DOCK3: variants seen among roughly 807,000 people sequenced by gnomAD.
DOCK3 encodes the protein dedicator of cytokinesis protein 3.
DOCK3 carries 60 observed loss-of-function variants against 265.6 expected under a neutral mutation model. The observed-to-expected ratio is 0.23, with a 90% CI of 0.18 to 0.28. The LOEUF (loss-of-function observed/expected upper bound fraction) is 0.28, where lower values mean the gene tolerates loss of function less well. DOCK3 is among the 10% of genes least tolerant of loss of function. The pLI, the probability that DOCK3 is intolerant of heterozygous loss-of-function variation, is 1.00. For missense variants in DOCK3, 1,981 were observed against 2,594.3 expected (o/e 0.76, Z 5.14); for synonymous variants, 881 against 938.0 (o/e 0.94, Z 1.11).
At chr3:50,988,431 C>T (rs1177123298) in intron 5 of DOCK3, among the ~76,000 whole-genome samples, 1 of 152,116 alleles carries the variant, frequency 6.6e-6, no homozygotes, top group African/African-American at 2.4e-5. Flanking sequence ...GGCCACCATC[C>T]TTGCTGTTTG....
intron 5 of DOCK3, among the ~76,000 whole-genome samples, chr3:50,943,346 T>G (rs1278914905): frequency 6.6e-6 from 1 of 152,050 alleles, no homozygotes; most frequent in Non-Finnish European, 1.5e-5. Flanking sequence ...CTCTAAATAT[T>G]AAAGCTATGG....
chr3:51,069,250 T>C (rs1439846690), intron 6 of DOCK3, among the ~76,000 whole-genome samples: 3 of 152,206 alleles, frequency 2.0e-5, no homozygotes, highest in Non-Finnish European at 4.4e-5. Context: ...TCATCATCTT[T>C]GCTCAAGTGT....
At chr3:51,201,235 G>A (rs1349519380) in intron 12 of DOCK3, among the ~76,000 whole-genome samples, 2 of 150,750 alleles carry the variant, frequency 1.3e-5, no homozygotes, top group Non-Finnish European at 3.0e-5. Flanking sequence ...CTGGCAAATT[G>A]GATAAAGAGT....
At chr3:51,231,042 A>C (rs1046687250) in intron 19 of DOCK3, among the ~76,000 whole-genome samples, 7 of 152,016 alleles carry the variant, frequency 4.6e-5, no homozygotes, top group Non-Finnish European at 8.8e-5. Context: ...CACAGGAGCT[A>C]AACTAATTTA....
intron 9 of DOCK3, among the ~76,000 whole-genome samples, chr3:51,135,130 G>A (rs1358789382): frequency 5.9e-5 from 9 of 152,178 alleles, no homozygotes; most frequent in East Asian, 3.9e-4. Flanking sequence ...TTCTGTTCAC[G>A]TATGTGTTCC....
intron 24 of DOCK3, among the ~76,000 whole-genome samples, chr3:51,274,421 T>C (rs1454323172): frequency 6.6e-6 from 1 of 152,176 alleles, no homozygotes; most frequent in Admixed American, 6.5e-5. Flanking sequence ...ATACTAAGTA[T>C]ACCATTTAAA....
chr3:51,159,615 A>AC (rs2086036432), intron 11 of DOCK3, among the ~76,000 whole-genome samples: 1 of 152,090 alleles, frequency 6.6e-6, no homozygotes, highest in African/African-American at 2.4e-5. Flanking sequence ...ACAGTGCCCT[A>AC]CCCTTTCCCT....
chr3:50,877,235 G>A (rs1282636579), intron 3 of DOCK3: 6 of 327,844 alleles, frequency 1.8e-5, no homozygotes, highest in Admixed American at 4.2e-5. Context: ...ATGATCTTAC[G>A]GAGCCTTCTT....
intron 1 of DOCK3, among the ~76,000 whole-genome samples, chr3:50,768,555 G>A (rs2041059837): frequency 6.6e-6 from 1 of 152,138 alleles, no homozygotes; most frequent in Non-Finnish European, 1.5e-5. Context: ...CATATAAACA[G>A]AGCCAAAGAC....
chr3:50,788,271 G>C (rs1391016138), intron 2 of DOCK3: 2 of 555,736 alleles, frequency 3.6e-6, no homozygotes, highest in Admixed American at 3.6e-5. Flanking sequence ...GACGAGAAGT[G>C]GCTGTGTGCC....
At chr3:50,716,349 A>C (rs191754707) in intron 1 of DOCK3, among the ~76,000 whole-genome samples, 1 of 151,994 alleles carries the variant, frequency 6.6e-6, no homozygotes. Context: ...AACATGGTGA[A>C]ACCCCATCTC....
At chr3:51,167,372 G>A (rs1343271477) in intron 12 of DOCK3, among the ~76,000 whole-genome samples, 2 of 152,126 alleles carry the variant, frequency 1.3e-5, no homozygotes, top group African/African-American at 4.8e-5. Context: ...TTGAAATCAG[G>A]AAGTGTGATG....
intron 1 of DOCK3, among the ~76,000 whole-genome samples, chr3:50,678,465 A>G (rs1053754786): frequency 1.3e-5 from 2 of 152,230 alleles, no homozygotes; most frequent in Non-Finnish European, 2.9e-5. Flanking sequence ...CTCACCCTCT[A>G]ACAGGAGCAA....
Position 51,381,259 on chromosome 3 carries a change from C to A in DOCK3, c.5793C>A (p.Pro1931=). The change falls in exon 53 of 53, where the codon CCC becomes CCA. Residue 1931 remains proline, a synonymous_variant. Transcript: ENST00000266037. The surrounding 1 kb of genome is among the most constrained non-coding windows in gnomAD (Gnocchi z 5.6). ...ATGCTGACGAAGATCTTGAGCCACC[C>A]TACCTCCCTGTCCACTACAGCCTCT... ...AWNADEDLEP[P]YLPVHYSLSE... The A allele has an allele frequency of 1.2e-6, 2 of 1,613,882 alleles. No homozygotes were observed. Among genetic ancestry groups the A allele is most frequent in the Non-Finnish European group, 1.7e-6 (2 of 1,179,872 alleles).
chr3:50,723,490 G>A (rs1250035793), intron 1 of DOCK3, among the ~76,000 whole-genome samples: 2 of 151,936 alleles, frequency 1.3e-5, no homozygotes, highest in Non-Finnish European at 2.9e-5. Context: ...GGCCAACATC[G>A]CGAAACCTCG....
chr3:50,919,129 T>C (rs967144839), intron 4 of DOCK3, among the ~76,000 whole-genome samples: 1 of 152,234 alleles, frequency 6.6e-6, no homozygotes, highest in Non-Finnish European at 1.5e-5. Flanking sequence ...TATCTCTGTT[T>C]GGTACCAGTA....
At chr3:50,847,761 G>A (rs1269787406) in intron 3 of DOCK3, among the ~76,000 whole-genome samples, 1 of 151,328 alleles carries the variant, frequency 6.6e-6, no homozygotes, top group East Asian at 2.0e-4. Flanking sequence ...GTGTATACCT[G>A]TAGTCCCAAT....
intron 51 of DOCK3, among the ~76,000 whole-genome samples, chr3:51,378,843 T>C (rs1553617376): frequency 6.6e-6 from 1 of 152,176 alleles, no homozygotes; most frequent in East Asian, 1.9e-4. Context: ...GCTTCCCTTT[T>C]TCCTGGGCCC....
At chr3:50,985,386 C>T (rs947229275) in intron 5 of DOCK3, among the ~76,000 whole-genome samples, 6 of 152,048 alleles carry the variant, frequency 3.9e-5, no homozygotes, top group Non-Finnish European at 8.8e-5. Context: ...CATTTAAATG[C>T]CTATGGATAT....
Sources: allele counts gnomAD v4.1 joint callset (sites outside exome capture counted in the v4.1 genomes callset), GRCh38; gene constraint gnomAD v4.1.1; non-coding constraint Gnocchi (gnomAD v3.1); transcripts MANE v1.5; gene names NCBI Gene and HGNC (gene_info 2026-07-23, HGNC 2026-07-21).